The following ATP13A5 variants were observed in gnomAD, a reference collection of about 807,000 sequenced individuals.
ATP13A5 encodes probable cation-transporting ATPase 13A5.
ATP13A5 carries 149 observed loss-of-function variants against 150.2 expected under a neutral mutation model. The observed-to-expected ratio is 0.99, with a 90% confidence interval of 0.87 to 1.14. ATP13A5 has a LOEUF of 1.14. Among genes scored for constraint, ATP13A5 ranks in the 50% most tolerant of loss-of-function variants. The probability of loss-of-function intolerance (pLI) is 0.00; values close to 1 mark genes in which losing one functional copy is unlikely to be tolerated. For synonymous variants in ATP13A5, 497 were observed against 522.2 expected, an observed-to-expected ratio of 0.95 and a Z score of 0.66; for missense variants, 1,383 against 1,449.3, an observed-to-expected ratio of 0.95 and a Z score of 0.74.
chr3:193,376,853 G>C (rs1713662147), intron 1 of ATP13A5, among the ~76,000 whole-genome samples: 1 of 152,190 alleles, frequency 6.6e-6, no homozygotes, highest in Admixed American at 6.5e-5. Flanking sequence ...AGCGGAGTCT[G>C]TGGATTACCT....
At chr3:193,355,620 G>T in intron 5 of ATP13A5, among the ~76,000 whole-genome samples, 1 of 152,188 alleles carries the variant, frequency 6.6e-6, no homozygotes, top group East Asian at 1.9e-4. Flanking sequence ...GAGGTCTTCT[G>T]ACTCCATGCC....
intron 27 of ATP13A5, among the ~76,000 whole-genome samples, chr3:193,280,243 T>TG (rs35173525): frequency 6.6e-6 from 1 of 152,010 alleles, no homozygotes; most frequent in Non-Finnish European, 1.5e-5. Flanking sequence ...TCCATAGAGA[T>TG]GGGGTTTCAC....
intron 9 of ATP13A5, among the ~76,000 whole-genome samples, chr3:193,341,565 G>C (rs1402144416): frequency 6.6e-6 from 1 of 152,118 alleles, no homozygotes; most frequent in Non-Finnish European, 1.5e-5. Flanking sequence ...CCCTGTCCAG[G>C]TAAATAGGCC....
intron 22 of ATP13A5, among the ~76,000 whole-genome samples, chr3:193,306,850 G>T (rs1224374999): frequency 1.3e-5 from 2 of 152,176 alleles, no homozygotes; most frequent in Non-Finnish European, 2.9e-5. Context: ...TCTGGGTGAA[G>T]CAAACTTAAA....
chr3:193,291,560 A>G (rs1221606940), intron 25 of ATP13A5, among the ~76,000 whole-genome samples: 2 of 152,078 alleles, frequency 1.3e-5, no homozygotes, highest in African/African-American at 4.8e-5. Context: ...CCAAAAGACC[A>G]TCTGTGATTA....
At chr3:193,295,013 T>C (rs1380382309) in intron 25 of ATP13A5, among the ~76,000 whole-genome samples, 1 of 152,092 alleles carries the variant, frequency 6.6e-6, no homozygotes, top group East Asian at 1.9e-4. Context: ...TGCATCACTT[T>C]CGCACCATTG....
chr3:193,344,050 C>T lies in ATP13A5; in HGVS notation c.820G>A (p.Glu274Lys). The T allele has an allele frequency of 3.1e-6, 5 of 1,612,814 alleles. No homozygotes were observed. Among genetic ancestry groups the T allele is most frequent in the Non-Finnish European group, 4.2e-6 (5 of 1,179,294 alleles). Reference protein sequence around the residue: ...VTIIVKDKGLEELESRLLVPG... With the variant: ...VTIIVKDKGLKELESRLLVPG... ...ACCAAGAGACGGGATTCCAGCTCCT[C>T]CAAACCTACACCAAAGCAAAGTTTC... The change falls in exon 9 of 30, where the codon GAG (glutamate) becomes AAG (lysine). Residue 274 changes from glutamate (E) to lysine (K), a missense_variant. Glu to Lys is a moderately conservative substitution (Grantham distance 56). Coordinates refer to ENST00000342358, the MANE Select transcript of ATP13A5 (RefSeq NM_198505.4).
chr3:193,321,670 A>ATAC lies in ATP13A5; in HGVS notation c.1915+10_1915+11insGTA. 1 of 1,611,048 alleles carries ATAC rather than the reference A, an allele frequency of 6.2e-7. No individual in the cohort carries two copies. Among genetic ancestry groups the ATAC allele is most frequent in the Non-Finnish European group, 8.5e-7 (1 of 1,178,300 alleles). ...AGTATTTTACTTCTTGAAAGAGAAA[A>ATAC]GTGTTAGTACCTGTTTCAGATCTGC... On this transcript the variant is annotated intron_variant, in intron 16 of 29. Transcript: ENST00000342358.
chr3:193,323,016 T>C (rs1719339484), intron 14 of ATP13A5, among the ~76,000 whole-genome samples: 1 of 152,208 alleles, frequency 6.6e-6, no homozygotes, highest in East Asian at 1.9e-4. Context: ...AACTAGGGAG[T>C]TGGTATGTCA....
At chr3:193,285,166 C>T in intron 26 of ATP13A5, 50 bp from the exon 27 acceptor site, 1 of 1,485,060 alleles carries the variant, frequency 6.7e-7, no homozygotes, top group Non-Finnish European at 9.2e-7. Flanking sequence ...CATTTTTGTC[C>T]ATTAGGTGAA....
At chr3:193,282,877 T>G (rs1374587831) in intron 27 of ATP13A5, among the ~76,000 whole-genome samples, 1 of 152,254 alleles carries the variant, frequency 6.6e-6, no homozygotes, top group Non-Finnish European at 1.5e-5. Context: ...CCTGGCAATT[T>G]ATTCTAGAGT....
chr3:193,370,345 T>C (rs1037699029), intron 1 of ATP13A5, among the ~76,000 whole-genome samples: 31 of 152,218 alleles, frequency 2.0e-4, no homozygotes. Context: ...TGTTGCCTTC[T>C]AGAAGCTCTC....
rs774415071 is a variant in ATP13A5, at chr3:193,331,330, T to A, written c.1273-19A>T. The A allele has an allele frequency of 6.2e-7, 1 of 1,607,402 alleles. No homozygotes were observed. The highest frequency in any genetic ancestry group is 1.1e-5 in the South Asian group (1 of 90,166). On this transcript the variant is annotated intron_variant, in intron 11 of 29. Coordinates refer to ENST00000342358, the MANE Select transcript of ATP13A5 (RefSeq NM_198505.4). ...GAGGAACCTGGGAGAGGACAGACAT[T>A]TTCATACAGGATAGCCCAGCACAGC... is the stretch of plus-strand genomic sequence containing the variant.
chr3:193,349,762 G>C (rs1406493306), intron 7 of ATP13A5, among the ~76,000 whole-genome samples: 1 of 152,038 alleles, frequency 6.6e-6, no homozygotes, highest in Non-Finnish European at 1.5e-5. Flanking sequence ...AGAAACTGAT[G>C]AATCCAGGGG....
intron 28 of ATP13A5, 47 bp from the exon 29 acceptor site, chr3:193,276,877 T>A: frequency 7.7e-7 from 1 of 1,299,398 alleles, no homozygotes; most frequent in Non-Finnish European, 1.1e-6. Context: ...ACTTCACACT[T>A]TGAAAAAAGA....
chr3:193,278,538 T>C (rs1717328583), intron 28 of ATP13A5, among the ~76,000 whole-genome samples: 1 of 152,176 alleles, frequency 6.6e-6, no homozygotes, highest in Non-Finnish European at 1.5e-5. Context: ...TCATTTGCAT[T>C]TCTAAAACAA....
chr3:193,303,775 T>A (rs1245306858), intron 23 of ATP13A5, among the ~76,000 whole-genome samples: 1 of 151,600 alleles, frequency 6.6e-6, no homozygotes, highest in Non-Finnish European at 1.5e-5. Context: ...CACATCCACT[T>A]CATTTGTATG....
chr3:193,332,679 G>A (rs975161247), intron 11 of ATP13A5, among the ~76,000 whole-genome samples: 1 of 151,948 alleles, frequency 6.6e-6, no homozygotes, highest in Non-Finnish European at 1.5e-5. Context: ...CCACAGACAC[G>A]GAAGAGTTTT....
At chr3:193,305,490 GA>G in intron 23 of ATP13A5, 68 bp downstream of exon 23, 2 of 1,235,602 alleles carry the variant, frequency 1.6e-6, no homozygotes, top group Non-Finnish European at 2.4e-6. Flanking sequence ...GCTTGTAGTT[GA>G]ATTCTGTCTG....
Sources: gnomAD v4.1 joint callset for allele counts (sites outside exome capture counted in the v4.1 genomes callset) on GRCh38, gnomAD v4.1.1 for gene constraint, MANE v1.5 for transcripts, NCBI Gene and HGNC (gene_info 2026-07-23, HGNC 2026-07-21) for gene names.